Variants in APP observed in about 807,000 individuals in gnomAD.
The protein encoded by APP is amyloid beta precursor protein.
A neutral mutation model predicts 101.4 loss-of-function variants in APP; 31 were observed. The observed-to-expected ratio is 0.31, with a 90% confidence interval of 0.23 to 0.41. The LOEUF (loss-of-function observed/expected upper bound fraction) is 0.41, where lower values mean the gene tolerates loss of function less well. Ranked by LOEUF, APP falls within the 10% of genes least tolerant of loss-of-function variation. The probability of loss-of-function intolerance (pLI) is 1.00; values close to 1 mark genes in which losing one functional copy is unlikely to be tolerated. For missense variants in APP, 839 were observed against 1,003.7 expected (o/e 0.84, Z 2.22); for synonymous variants, 366 against 364.4 (o/e 1.00, Z -0.05).
At chr21:26,046,644 A>G (rs144341075) in intron 5 of APP, among the ~76,000 whole-genome samples, 1 of 152,256 alleles carries the variant, frequency 6.6e-6, no homozygotes, top group East Asian at 1.9e-4. Context: ...AAAAGAATAC[A>G]TCGATAATTA....
At chr21:25,995,057 T>C (rs1437663260) in intron 8 of APP, among the ~76,000 whole-genome samples, 1 of 151,878 alleles carries the variant, frequency 6.6e-6, no homozygotes, top group African/African-American at 2.4e-5. Context: ...ATGGAGAAAA[T>C]TACTGGGAAG....
At chr21:25,961,825 C>T (rs957616016) in intron 11 of APP, among the ~76,000 whole-genome samples, 3 of 152,008 alleles carry the variant, frequency 2.0e-5, no homozygotes, top group East Asian at 3.8e-4. Context: ...ATACTTAAGA[C>T]GGGTTATTCA....
chr21:25,996,739 C>A lies in APP; in HGVS notation c.1090+621G>T, dbSNP rs370746507. The stretch of plus-strand genomic sequence containing the variant: ...CCTCAAGGCTGCAGTTAATTTACAA[C>A]CCGATTGTGCGGGATGCGCCAGCCC... On this transcript the variant is annotated intron_variant, in intron 8 of 17. Transcript: ENST00000346798. Among the ~76,000 whole-genome samples, 21 of 152,364 alleles carry A rather than the reference C, an allele frequency of 1.4e-4. No homozygotes were observed. In the East Asian group the frequency reaches 3.5e-3, roughly 25 times the overall value.
chr21:26,081,388 G>T (rs2061595469), intron 3 of APP, among the ~76,000 whole-genome samples: 1 of 144,224 alleles, frequency 6.9e-6, no homozygotes, highest in South Asian at 2.3e-4. Flanking sequence ...AAAGGGGGTT[G>T]TTCTCTGGGG....
At chr21:25,965,509 C>T (rs1292733311) in intron 11 of APP, among the ~76,000 whole-genome samples, 1 of 152,174 alleles carries the variant, frequency 6.6e-6, no homozygotes, top group South Asian at 2.1e-4. Context: ...CATACCTAGG[C>T]AGTGTTATGA....
chr21:26,153,627 A>G (rs2063321976), intron 1 of APP, among the ~76,000 whole-genome samples: 1 of 152,142 alleles, frequency 6.6e-6, no homozygotes, highest in Admixed American at 6.5e-5. Flanking sequence ...TTGTACTTTT[A>G]ACTCATTCCT....
At chr21:25,965,925 A>T (rs1158208874) in intron 11 of APP, among the ~76,000 whole-genome samples, 1 of 152,216 alleles carries the variant, frequency 6.6e-6, no homozygotes, top group Non-Finnish European at 1.5e-5. Flanking sequence ...ATACGGTGCT[A>T]TGGGTTTTAA....
chr21:26,061,174 T>TC lies in APP; in HGVS notation c.356-7827_356-7826insG, dbSNP rs1568926067. Among the ~76,000 whole-genome samples, 4 of 152,098 alleles carry TC rather than the reference T, an allele frequency of 2.6e-5. No individual in the cohort carries two copies. The East Asian group carries it at 7.7e-4, about 29-fold the overall frequency. On this transcript the variant is annotated intron_variant, in intron 3 of 17. Coordinates refer to ENST00000346798, the MANE Select transcript of APP (RefSeq NM_000484.4). ...TGAAGGTCAGATCTAAATAATCAAA[T>TC]AGAAAGGAGTCAAGAATCTAGCTTG... is the stretch of plus-strand genomic sequence containing the variant.
At chr21:26,110,539 T>C (rs1485660235) in intron 2 of APP, among the ~76,000 whole-genome samples, 1 of 152,176 alleles carries the variant, frequency 6.6e-6, no homozygotes, top group African/African-American at 2.4e-5. Flanking sequence ...TTCATACTCC[T>C]TTCAAGATAA....
chr21:26,024,370 GGCCAACAAGGA>G (rs946544491), intron 5 of APP, among the ~76,000 whole-genome samples: 5 of 152,150 alleles, frequency 3.3e-5, no homozygotes, highest in African/African-American at 1.2e-4. Context: ...AGCTGATTCT[GGCCAACAAGGA>G]GAAGCTCATC....
At chr21:26,035,116 TCTCCAC>T (rs2045042847) in intron 5 of APP, among the ~76,000 whole-genome samples, 1 of 151,622 alleles carries the variant, frequency 6.6e-6, no homozygotes, top group African/African-American at 2.4e-5. Flanking sequence ...TGAGATCTTG[TCTCCAC>T]TAAAAATTAA....
chr21:25,907,422 C>T (rs1309780055), intron 14 of APP, among the ~76,000 whole-genome samples: 2 of 152,212 alleles, frequency 1.3e-5, no homozygotes, highest in Admixed American at 1.3e-4. Flanking sequence ...TCCCAATCCA[C>T]TGCAAATACT....
At chr21:26,107,311 G>T (rs1163775071) in intron 2 of APP, among the ~76,000 whole-genome samples, 5 of 152,152 alleles carry the variant, frequency 3.3e-5, no homozygotes, top group Non-Finnish European at 7.3e-5. Context: ...TGCAACTCAA[G>T]TGTGCTGGGG....
intron 11 of APP, among the ~76,000 whole-genome samples, chr21:25,969,395 G>C (rs1428185982): frequency 1.4e-5 from 2 of 141,796 alleles, no homozygotes; most frequent in Non-Finnish European, 3.1e-5. Context: ...CAATTTTCTT[G>C]TGCCTGCCAA....
At chr21:25,942,621 T>C (rs1013127235) in intron 13 of APP, 1 of 152,206 alleles carries the variant, frequency 6.6e-6, no homozygotes, top group African/African-American at 2.4e-5. Context: ...TGGGCCCTTA[T>C]ACCTGTGACG....
chr21:26,036,657 G>C (rs1371052454), intron 5 of APP, among the ~76,000 whole-genome samples: 2 of 152,168 alleles, frequency 1.3e-5, no homozygotes, highest in Non-Finnish European at 2.9e-5. Flanking sequence ...CAGTATTTGA[G>C]ACAGAGAATG....
chr21:26,036,038 T>C (rs552910634), intron 5 of APP, among the ~76,000 whole-genome samples: 35 of 152,230 alleles, frequency 2.3e-4, no homozygotes, highest in Non-Finnish European at 4.7e-4. Context: ...TTCATATGCC[T>C]ATGAAATAAC....
At chr21:25,955,169 T>G (rs1225258908) in intron 12 of APP, among the ~76,000 whole-genome samples, 1 of 152,144 alleles carries the variant, frequency 6.6e-6, no homozygotes, top group Non-Finnish European at 1.5e-5. Flanking sequence ...CAAGAAAATG[T>G]AAAATTTCAC....
chr21:26,034,034 GGCACT>G (rs1292549041), intron 5 of APP, among the ~76,000 whole-genome samples: 3 of 152,154 alleles, frequency 2.0e-5, no homozygotes, highest in African/African-American at 7.2e-5. Context: ...CTAATACACA[GGCACT>G]GCTTTTCTAT....
Sources: allele counts gnomAD v4.1 joint callset (sites outside exome capture counted in the v4.1 genomes callset), GRCh38; gene constraint gnomAD v4.1.1; transcripts MANE v1.5; gene names NCBI Gene and HGNC (gene_info 2026-07-23, HGNC 2026-07-21).